Variants in WDFY2 observed in about 807,000 individuals in gnomAD.
WDFY2 encodes the protein WD repeat and FYVE domain containing 2.
WDFY2 carries 36 observed loss-of-function variants against 56.4 expected under a neutral mutation model. The observed-to-expected ratio is 0.64, with a 90% CI of 0.49 to 0.84. WDFY2 has a LOEUF of 0.84. WDFY2 is among the 40% of genes least tolerant of loss of function. The pLI is 0.00. For synonymous variants in WDFY2, 176 were observed against 183.7 expected, an observed-to-expected ratio of 0.96 and a Z score of 0.34; for missense variants, 444 against 512.2, an observed-to-expected ratio of 0.87 and a Z score of 1.29.
chr13:51,708,326 TA>T (rs60374574), intron 4 of WDFY2, among the ~76,000 whole-genome samples: 137,338 of 141,008 alleles, frequency 0.97, 66,887 homozygotes, highest in South Asian at 1. Context: ...ACCCCATCTC[TA>T]AAAAAAAAAA....
intron 4 of WDFY2, among the ~76,000 whole-genome samples, chr13:51,714,639 T>A (rs765868192): frequency 6.6e-6 from 1 of 152,190 alleles, no homozygotes; most frequent in Non-Finnish European, 1.5e-5. Context: ...ATGTAGCCAC[T>A]TTGAAAAACA....
At chr13:51,622,462 C>T (rs1221687081) in intron 1 of WDFY2, among the ~76,000 whole-genome samples, 2 of 152,336 alleles carry the variant, frequency 1.3e-5, no homozygotes, top group East Asian at 3.9e-4. Flanking sequence ...TGGGCAGCAA[C>T]ACACATTCAC....
intron 1 of WDFY2, among the ~76,000 whole-genome samples, chr13:51,643,411 C>T (rs1017556042): frequency 1.3e-5 from 2 of 152,224 alleles, no homozygotes; most frequent in African/African-American, 4.8e-5. Flanking sequence ...ATGCCTGCCA[C>T]TGTAACTGGC....
intron 4 of WDFY2, among the ~76,000 whole-genome samples, chr13:51,706,535 A>G (rs938092520): frequency 6.6e-6 from 1 of 152,262 alleles, no homozygotes; most frequent in African/African-American, 2.4e-5. Context: ...CCTGAAGACT[A>G]CAAGGAAATT....
intron 3 of WDFY2, among the ~76,000 whole-genome samples, chr13:51,694,769 C>G (rs891797265): frequency 3.3e-5 from 5 of 152,164 alleles, no homozygotes; most frequent in Non-Finnish European, 7.3e-5. Context: ...TAATATCCTG[C>G]AGAGTGTTTT....
chr13:51,703,717 A>C, intron 4 of WDFY2, 67 bp downstream of exon 4: 1 of 1,244,230 alleles, frequency 8.0e-7, no homozygotes, highest in Non-Finnish European at 1.1e-6. Flanking sequence ...TTTCACTGCC[A>C]CAAGAGAATA....
intron 2 of WDFY2, among the ~76,000 whole-genome samples, chr13:51,671,478 G>A (rs745975697): frequency 1.3e-5 from 2 of 152,050 alleles, no homozygotes; most frequent in Non-Finnish European, 2.9e-5. Context: ...GATGTTGAGC[G>A]ATTTTTCAAG....
chr13:51,633,452 G>GCT (rs1312897065), intron 1 of WDFY2, among the ~76,000 whole-genome samples: 1 of 152,214 alleles, frequency 6.6e-6, no homozygotes, highest in Non-Finnish European at 1.5e-5. Context: ...TTTGTTAACG[G>GCT]CTTAAGGCAC....
intron 2 of WDFY2, among the ~76,000 whole-genome samples, chr13:51,663,748 G>A (rs1955655256): frequency 1.3e-5 from 2 of 152,142 alleles, no homozygotes; most frequent in South Asian, 4.1e-4. Flanking sequence ...AGGTTACTCG[G>A]TATTATTCTT....
chr13:51,760,043 GA>G lies in WDFY2; in HGVS notation c.*279del. The G allele has an allele frequency of 2.8e-6, 1 of 353,624 alleles. No individual in the cohort carries two copies. The allele number at this position is 353,624 out of a possible 1,614,324, so 21.9% of individuals were successfully genotyped here. A position where few individuals can be genotyped will look rare whatever the true frequency, so the allele number is the denominator to read the frequency against. ...TGTGCTGCATTGTTTTGAGTGTACC[GA>G]AAAATCTGTGTGGGGTGTTTAATTT... is the stretch of plus-strand genomic sequence containing the variant. On this transcript the variant is annotated 3_prime_UTR_variant, in exon 12 of 12. Coordinates refer to ENST00000298125, the MANE Select transcript of WDFY2 (RefSeq NM_052950.4).
Position 51,641,825 on chromosome 13 carries a change from CAAAAAAAA to C in WDFY2, c.138-18749_138-18742del, listed in dbSNP as rs750489541. Among the ~76,000 whole-genome samples the C allele has an allele frequency of 0.018, 669 of 37,380 alleles. 5 individuals are homozygous for C. The East Asian group carries it at 0.2, about 11-fold the overall frequency. The allele number at this position is 37,380 out of a possible 152,430, so 24.5% of individuals were successfully genotyped here. ...TGGGCGACAGAGCGAGACTCCGTCT[CAAAAAAAA>C]AAAAAAAAAAAAAAAAAAAAATATT... On this transcript the variant is annotated intron_variant, in intron 1 of 11. Transcript: ENST00000298125.
chr13:51,625,839 T>A (rs1954827000), intron 1 of WDFY2, among the ~76,000 whole-genome samples: 1 of 152,230 alleles, frequency 6.6e-6, no homozygotes, highest in African/African-American at 2.4e-5. Flanking sequence ...CTGATATCAA[T>A]GGAGGGAATT....
chr13:51,740,440 G>C (rs1952943378), intron 7 of WDFY2, among the ~76,000 whole-genome samples: 1 of 152,364 alleles, frequency 6.6e-6, no homozygotes, highest in Middle Eastern at 3.4e-3. Flanking sequence ...CCAGGGCCGG[G>C]TGCATTGGCT....
chr13:51,710,597 A>G (rs1016562218), intron 4 of WDFY2, among the ~76,000 whole-genome samples: 6 of 152,218 alleles, frequency 3.9e-5, no homozygotes, highest in Non-Finnish European at 8.8e-5. Context: ...AAGTCTCAGG[A>G]TACAAAATAA....
intron 3 of WDFY2, among the ~76,000 whole-genome samples, chr13:51,694,176 C>G (rs1304398791): frequency 6.6e-6 from 1 of 152,086 alleles, no homozygotes; most frequent in African/African-American, 2.4e-5. Flanking sequence ...GCATTTAGTC[C>G]ATTTACATTT....
At chr13:51,634,396 C>G (rs1374523522) in intron 1 of WDFY2, among the ~76,000 whole-genome samples, 1 of 151,734 alleles carries the variant, frequency 6.6e-6, no homozygotes, top group Non-Finnish European at 1.5e-5. Context: ...TATATATTTA[C>G]CAAACCTAAG....
intron 8 of WDFY2, among the ~76,000 whole-genome samples, chr13:51,754,090 CAAAAA>C (rs34329123): frequency 9.9e-6 from 1 of 100,616 alleles, no homozygotes. Flanking sequence ...AAGGCTGTCT[CAAAAA>C]AAAAAAAAAA....
chr13:51,765,980 G>T lies in WDFY2; in HGVS notation c.*6211G>T, dbSNP rs148446075. The stretch of plus-strand genomic sequence containing the variant: ...GTTACTTATGATTCTTTTTTCCCTT[G>T]GTTCTCGGGGATGCATGAGAAGGTG... On this transcript the variant is annotated 3_prime_UTR_variant, in exon 12 of 12. Transcript: ENST00000298125. The T allele has an allele frequency of 3.3e-5, 5 of 151,900 alleles. No individual in the cohort carries two copies. The East Asian group carries it at 9.7e-4, about 29-fold the overall frequency. 9.4% of individuals were successfully genotyped at this position (151,900 alleles called of 1,614,324 possible). A position where few individuals can be genotyped will look rare whatever the true frequency, so the allele number is the denominator to read the frequency against.
At chr13:51,698,521 C>T (rs140628480) in intron 3 of WDFY2, among the ~76,000 whole-genome samples, 3 of 152,316 alleles carry the variant, frequency 2.0e-5, no homozygotes, top group Admixed American at 2.0e-4. Flanking sequence ...ATTACCTAAT[C>T]TTGGTCAGGG....
Sources: allele counts gnomAD v4.1 joint callset (sites outside exome capture counted in the v4.1 genomes callset), GRCh38; gene constraint gnomAD v4.1.1; transcripts MANE v1.5; gene names NCBI Gene and HGNC (gene_info 2026-07-23, HGNC 2026-07-21).